Variants in ACSS1 observed in about 807,000 individuals in gnomAD.
The protein encoded by ACSS1 is acyl-CoA synthetase short chain family member 1.
A neutral mutation model predicts 75.3 loss-of-function variants in ACSS1; 42 were observed. That is an observed-to-expected ratio of 0.56 (90% CI 0.44 to 0.72). ACSS1 has a LOEUF of 0.72. ACSS1 is among the 30% of genes least tolerant of loss of function. The pLI is 0.00. For missense variants in ACSS1, 782 were observed against 935.7 expected, an observed-to-expected ratio of 0.84 and a Z score of 2.14; for synonymous variants, 380 against 376.8, an observed-to-expected ratio of 1.01 and a Z score of -0.10.
chr20:25,012,473 G>T, intron 12 of ACSS1, 128 bp downstream of exon 12: 1 of 1,165,026 alleles, frequency 8.6e-7, no homozygotes, highest in Non-Finnish European at 1.3e-6. Context: ...TGAGAGAGAA[G>T]AACACTGAGA....
intron 13 of ACSS1, among the ~76,000 whole-genome samples, chr20:25,008,656 C>T (rs917911196): frequency 1.3e-5 from 2 of 152,166 alleles, no homozygotes; most frequent in Non-Finnish European, 2.9e-5. Flanking sequence ...GAAGAGGCAG[C>T]CCAATCCTCC....
At chr20:25,037,601 G>C (rs889011613) in intron 2 of ACSS1, among the ~76,000 whole-genome samples, 1 of 152,234 alleles carries the variant, frequency 6.6e-6, no homozygotes, top group Non-Finnish European at 1.5e-5. Flanking sequence ...CCATGGTCTA[G>C]ATCCAAAACT....
intron 2 of ACSS1, among the ~76,000 whole-genome samples, chr20:25,041,190 G>A (rs866899521): frequency 7.9e-5 from 12 of 151,830 alleles, no homozygotes; most frequent in Middle Eastern, 6.8e-3. Context: ...CCCAGGAGGC[G>A]GAGCTTTCAG....
In ACSS1 at chr20:25,057,778, T is replaced by G; in HGVS notation, c.325A>C (p.Asn109His). The G allele has an allele frequency of 2.5e-6, 4 of 1,580,272 alleles. No individual in the cohort carries two copies. Among genetic ancestry groups the G allele is most frequent in the Non-Finnish European group, 3.5e-6 (4 of 1,156,286 alleles). ...CCCGAAGCCCACTCACCAGAGACAT[T>G]TAACTGGCCTCCCAGGAACCAGCCG... ...KIGWFLGGQL[N>H]VSVNCLDQHV... Residue 109 changes from asparagine to histidine, a missense_variant, in exon 1 of 14, where the codon AAT (asparagine) becomes CAT (histidine). Transcript: ENST00000323482.
chr20:25,013,717 C>T, intron 9 of ACSS1, 55 bp from the exon 10 acceptor site: 1 of 1,552,306 alleles, frequency 6.4e-7, no homozygotes, highest in East Asian at 2.3e-5. Flanking sequence ...GAGAAGTGTG[C>T]CAAAAAATGA....
chr20:25,021,461 C>T lies in ACSS1; in HGVS notation c.1036G>A (p.Val346Met), dbSNP rs762412296. ...DIGWITGHSY[V>M]VYGPLCNGAT... ...CCATTGCAGAGAGGCCCATACACCACGTAGCTGTGTCCTGTAATCCAACCG... is the reference window on the plus strand; with the variant it reads ...CCATTGCAGAGAGGCCCATACACCATGTAGCTGTGTCCTGTAATCCAACCG... Residue 346 changes from valine to methionine, a missense_variant, in exon 6 of 14, where the codon GTG becomes ATG. Around this residue, in one of 2 missense-constraint regions of ACSS1, gnomAD observed 405 missense variants for 552.6 expected, o/e 0.73. Coordinates refer to ENST00000323482, the MANE Select transcript of ACSS1 (RefSeq NM_032501.4). 9 of 1,614,132 alleles carry T rather than the reference C, an allele frequency of 5.6e-6. No homozygotes were observed. Among genetic ancestry groups the T allele is most frequent in the South Asian group, 3.3e-5 (3 of 91,096 alleles).
intron 1 of ACSS1, among the ~76,000 whole-genome samples, chr20:25,050,745 G>A (rs1298778109): frequency 1.3e-5 from 2 of 152,010 alleles, no homozygotes; most frequent in Admixed American, 1.3e-4. Flanking sequence ...CAGAAACAGT[G>A]ACTGCCCAAC....
Position 25,022,487 on chromosome 20 carries a change from C to T in ACSS1, c.960+453G>A, listed in dbSNP as rs571081156. Among the ~76,000 whole-genome samples, 20 of 152,318 alleles carry T rather than the reference C, an allele frequency of 1.3e-4. No homozygotes were observed. In the Middle Eastern group the frequency reaches 0.01, roughly 78 times the overall value. ...ACTATCAAAATAAAAACAGGGCAGG[C>T]GCACAAGACACATCAAGACATGCTG... On this transcript the variant is annotated intron_variant, in intron 5 of 13. Coordinates refer to ENST00000323482, the MANE Select transcript of ACSS1 (RefSeq NM_032501.4).
At chr20:25,014,884 TG>T (rs1213773516) in intron 8 of ACSS1, among the ~76,000 whole-genome samples, 2 of 151,994 alleles carry the variant, frequency 1.3e-5, no homozygotes, top group Non-Finnish European at 2.9e-5. Context: ...CCCAGGCGTG[TG>T]GGGGGCGCCC....
In ACSS1 at chr20:25,007,641, A is replaced by C; in HGVS notation, c.*121T>G. ...GCTTCACGTGAGGGCGGTGTGGGTC[A>C]TGTGTGGGGTGGGGGCTGCTTCTGG... On this transcript the variant is annotated 3_prime_UTR_variant, in exon 14 of 14. Transcript: ENST00000323482. 2 of 1,518,530 alleles carry C rather than the reference A, an allele frequency of 1.3e-6. No individual in the cohort carries two copies. Among genetic ancestry groups the C allele is most frequent in the African/African-American group, 1.4e-5 (1 of 72,302 alleles). The allele number at this position is 1,518,530 out of a possible 1,614,324, so 94.1% of individuals were successfully genotyped here.
At chr20:25,049,852 C>G (rs530822320) in intron 1 of ACSS1, among the ~76,000 whole-genome samples, 1 of 152,126 alleles carries the variant, frequency 6.6e-6, no homozygotes, top group African/African-American at 2.4e-5. Context: ...CCTCCAAAGT[C>G]CCCCGGTAAC....
At chr20:25,028,056 A>G (rs1044541489) in intron 3 of ACSS1, among the ~76,000 whole-genome samples, 1 of 152,226 alleles carries the variant, frequency 6.6e-6, no homozygotes, top group Non-Finnish European at 1.5e-5. Flanking sequence ...TTAGGAATAA[A>G]TTTAGCCTAG....
intron 2 of ACSS1, among the ~76,000 whole-genome samples, chr20:25,039,046 C>G (rs1477201280): frequency 6.6e-6 from 1 of 152,202 alleles, no homozygotes; most frequent in East Asian, 1.9e-4. Flanking sequence ...CAGCCCCATC[C>G]CATGGAACAA....
Position 25,023,511 on chromosome 20 carries a change from T to C in ACSS1, c.762A>G (p.Thr254=). ...GATCCCCCATGTGGACCTTGTTGTCTGTCCTGTGAGCCACCAGGACATGCT... is the reference window on the plus strand; with the variant it reads ...GATCCCCCATGTGGACCTTGTTGTCCGTCCTGTGAGCCACCAGGACATGCT... ...TVQHVLVAHR[T]DNKVHMGDLD... is the part of the protein sequence containing the mutation. Residue 254 remains threonine, a synonymous_variant, in exon 4 of 14, where the codon ACA becomes ACG. Transcript: ENST00000323482. 1 of 1,614,174 alleles carries C rather than the reference T, an allele frequency of 6.2e-7. No homozygotes were observed. Among genetic ancestry groups the C allele is most frequent in the Non-Finnish European group, 8.5e-7 (1 of 1,180,030 alleles).
Position 25,007,178 on chromosome 20 carries a change from A to C in ACSS1, c.*584T>G. The C allele has an allele frequency of 7.9e-7, 1 of 1,273,574 alleles. No individual in the cohort carries two copies. Among genetic ancestry groups the C allele is most frequent in the Non-Finnish European group, 9.9e-7 (1 of 1,007,766 alleles). The allele number at this position is 1,273,574 out of a possible 1,614,324, so 78.9% of individuals were successfully genotyped here. On this transcript the variant is annotated 3_prime_UTR_variant, in exon 14 of 14. Transcript: ENST00000323482. ...ACATCTCCAATTCAGACTTCCAAAT[A>C]CACTAACAATAATTAAAAATGTGGC...
intron 2 of ACSS1, among the ~76,000 whole-genome samples, chr20:25,034,795 C>T (rs1298899932): frequency 1.3e-5 from 2 of 151,460 alleles, no homozygotes; most frequent in African/African-American, 4.9e-5. Context: ...CTTGAACTCC[C>T]GACCTCAGGA....
At chr20:25,013,939 T>G (rs1299395331) in intron 9 of ACSS1, 22 bp downstream of exon 9, 7 of 1,593,718 alleles carry the variant, frequency 4.4e-6, no homozygotes, top group Non-Finnish European at 6.0e-6. Context: ...ATGACCCCCA[T>G]GTGGGGGAGG....
chr20:25,055,970 C>A (rs988817815), intron 1 of ACSS1, among the ~76,000 whole-genome samples: 1 of 152,184 alleles, frequency 6.6e-6, no homozygotes, highest in South Asian at 2.1e-4. Context: ...ACGCACATCC[C>A]AGGGGAGAAA....
In ACSS1 at chr20:25,006,440, C is replaced by T; in HGVS notation, c.*1322G>A. 1 of 191,316 alleles carries T rather than the reference C, an allele frequency of 5.2e-6. No individual in the cohort carries two copies. The highest frequency in any genetic ancestry group is 1.1e-4 in the South Asian group (1 of 8,908). 11.9% of individuals were successfully genotyped at this position (191,316 alleles called of 1,614,324 possible). ...AGACCACCACTCAGTATTTGTGTAC[C>T]CTGCAGCCAACACCACCTCCTGGGC... On this transcript the variant is annotated 3_prime_UTR_variant, in exon 14 of 14. Transcript: ENST00000323482.
Sources: allele counts gnomAD v4.1 joint callset (sites outside exome capture counted in the v4.1 genomes callset), GRCh38; gene constraint gnomAD v4.1.1; regional missense constraint gnomAD v4.1.1; transcripts MANE v1.5; gene names NCBI Gene and HGNC (gene_info 2026-07-23, HGNC 2026-07-21).